RANBP2: variants seen among roughly 807,000 people sequenced by gnomAD.
RANBP2 encodes the protein RAN binding protein 2.
A neutral mutation model predicts 303.6 loss-of-function variants in RANBP2; 57 were observed. The observed-to-expected ratio is 0.19, with a 90% confidence interval of 0.15 to 0.23. The LOEUF (loss-of-function observed/expected upper bound fraction) is 0.23, where lower values mean the gene tolerates loss of function less well. Among genes scored for constraint, RANBP2 ranks in the 10% least tolerant of loss-of-function variants. RANBP2 has a pLI of 1.00. For synonymous variants in RANBP2, 1,167 were observed against 1,301.5 expected, an observed-to-expected ratio of 0.90 and a Z score of 2.23; for missense variants, 3,138 against 3,780.8, an observed-to-expected ratio of 0.83 and a Z score of 4.46.
chr2:108,819,409 C>G, the RANBP2 span, among the ~76,000 whole-genome samples: 8 of 152,204 alleles, frequency 5.3e-5, no homozygotes, highest in Admixed American at 5.2e-4. Flanking sequence ...CAGGACTGGT[C>G]TGCATCTCAC....
chr2:109,516,829 A>C, the RANBP2 span, among the ~76,000 whole-genome samples: 1 of 152,252 alleles, frequency 6.6e-6, no homozygotes, highest in Non-Finnish European at 1.5e-5. Flanking sequence ...CTGATAGATC[A>C]GTTACTTTCC....
the RANBP2 span, among the ~76,000 whole-genome samples, chr2:109,254,534 T>C: frequency 6.6e-6 from 1 of 152,308 alleles, no homozygotes; most frequent in East Asian, 1.9e-4. Flanking sequence ...TGTACCTGGG[T>C]CTGGCAATAC....
the RANBP2 span, among the ~76,000 whole-genome samples, chr2:109,229,305 C>A: frequency 6.6e-6 from 1 of 152,214 alleles, no homozygotes; most frequent in African/African-American, 2.4e-5. Context: ...CACCCCACTT[C>A]CTCTGTTGTT....
the RANBP2 span, among the ~76,000 whole-genome samples, chr2:109,355,839 G>C: frequency 6.6e-6 from 1 of 152,188 alleles, no homozygotes; most frequent in Non-Finnish European, 1.5e-5. Flanking sequence ...ATACTAATGA[G>C]TCTGTGAAGC....
chr2:109,575,205 G>T, the RANBP2 span, among the ~76,000 whole-genome samples: 1 of 152,108 alleles, frequency 6.6e-6, no homozygotes, highest in South Asian at 2.1e-4. Context: ...TCCCACACTT[G>T]CCAGACTGCT....
Position 108,735,587 on chromosome 2 carries a change from T to C in RANBP2, c.461T>C (p.Ile154Thr). The change falls in exon 5 of 29, where the codon ATT becomes ACT. Residue 154 changes from isoleucine to threonine, a missense_variant. Ile to Thr is a moderately conservative substitution (Grantham distance 89). Transcript: ENST00000283195. Reference sequence around the variant, plus strand: ...GGATGGAATAAACTTTTTGACTTGATTCAGTCAGAACTTTATGTAAGACCT... The same window carrying C: ...GGATGGAATAAACTTTTTGACTTGACTCAGTCAGAACTTTATGTAAGACCT... ...EDGWNKLFDL[I>T]QSELYVRPDD... 6.3e-7 allele frequency: 1 copy of C among 1,597,606 alleles called. No homozygotes were observed. The highest frequency in any genetic ancestry group is 8.5e-7 in the Non-Finnish European group (1 of 1,179,790).
Position 108,736,212 on chromosome 2 carries a change from A to T in RANBP2, c.745A>T (p.Thr249Ser). ...TAATCTTATGCTTCTTACGCTTTCC[A>T]CTAGAGATGTGCAGGAAAGTAGAGA... ...YANLMLLTLS[T>S]RDVQESRELL... The change falls in exon 6 of 29, where the codon ACT becomes TCT. Residue 249 changes from threonine (T) to serine (S), a missense_variant. Thr to Ser is a moderately conservative substitution (Grantham distance 58, BLOSUM62 1). Around this residue, in one of 20 missense-constraint regions of RANBP2, gnomAD observed 306 missense variants for 381.9 expected, o/e 0.80. Coordinates refer to ENST00000283195, the MANE Select transcript of RANBP2 (RefSeq NM_006267.5). The T allele has an allele frequency of 6.2e-7, 1 of 1,611,958 alleles. No individual in the cohort carries two copies. The highest frequency in any genetic ancestry group is 8.5e-7 in the Non-Finnish European group (1 of 1,179,836).
At chr2:109,227,417 A>T in the RANBP2 span, among the ~76,000 whole-genome samples, 1,895 of 152,270 alleles carry the variant, frequency 0.012, 40 homozygotes, top group African/African-American at 0.043. Flanking sequence ...CTTCTTACTA[A>T]GCCACAAGTT....
the RANBP2 span, among the ~76,000 whole-genome samples, chr2:109,169,394 A>T: frequency 1.3e-5 from 2 of 152,104 alleles, no homozygotes; most frequent in African/African-American, 4.8e-5. Flanking sequence ...GATGGTGATG[A>T]TGTGGCTGAT....
the RANBP2 span, among the ~76,000 whole-genome samples, chr2:109,526,346 C>T: frequency 3.9e-5 from 6 of 152,106 alleles, no homozygotes; most frequent in African/African-American, 1.4e-4. Context: ...CTCATTCTGT[C>T]GCCCAAGCTG....
At chr2:109,330,509 C>T in the RANBP2 span, among the ~76,000 whole-genome samples, 2 of 152,134 alleles carry the variant, frequency 1.3e-5, no homozygotes, top group Admixed American at 6.5e-5. Context: ...CAGGGGGTGT[C>T]CCCCCTTGTA....
the RANBP2 span, among the ~76,000 whole-genome samples, chr2:108,822,268 ATATT>A: frequency 1.3e-5 from 2 of 152,206 alleles, no homozygotes; most frequent in Non-Finnish European, 2.9e-5. Context: ...TAAATGAGAA[ATATT>A]TATGCCCTGA....
chr2:108,795,131 T>C, the RANBP2 span, among the ~76,000 whole-genome samples: 1 of 151,444 alleles, frequency 6.6e-6, no homozygotes, highest in Non-Finnish European at 1.5e-5. Context: ...GCCTTTCGGG[T>C]TTTTTGTTTC....
the RANBP2 span, among the ~76,000 whole-genome samples, chr2:109,141,312 T>C: frequency 1.3e-3 from 198 of 152,324 alleles, no homozygotes; most frequent in African/African-American, 4.6e-3. Flanking sequence ...CAGTTGCCAC[T>C]GGCTGGCTTT....
the RANBP2 span, among the ~76,000 whole-genome samples, chr2:109,632,599 G>T: frequency 2.6e-5 from 4 of 152,180 alleles, no homozygotes; most frequent in Non-Finnish European, 5.9e-5. Flanking sequence ...GGATCACAAG[G>T]TCAGAAGCTC....
the RANBP2 span, among the ~76,000 whole-genome samples, chr2:109,196,303 A>C: frequency 6.6e-6 from 1 of 152,116 alleles, no homozygotes; most frequent in Admixed American, 6.5e-5. Context: ...GCAGCCCTGG[A>C]TTGGTGTAGC....
the RANBP2 span, among the ~76,000 whole-genome samples, chr2:109,569,047 G>A: frequency 6.6e-6 from 1 of 152,154 alleles, no homozygotes; most frequent in African/African-American, 2.4e-5. Flanking sequence ...TGGTTCTTAA[G>A]TTTTTTAGTT....
chr2:109,378,909 A>G, the RANBP2 span, among the ~76,000 whole-genome samples: 1 of 152,004 alleles, frequency 6.6e-6, no homozygotes, highest in Non-Finnish European at 1.5e-5. Context: ...TCAGCTGAAG[A>G]CTCCAGGGGA....
the RANBP2 span, among the ~76,000 whole-genome samples, chr2:109,192,564 G>A: frequency 1.3e-5 from 2 of 151,668 alleles, no homozygotes; most frequent in South Asian, 2.1e-4. Context: ...TGGTCCTCAT[G>A]TGGAATTTCT....
Sources: allele counts gnomAD v4.1 joint callset (sites outside exome capture counted in the v4.1 genomes callset), GRCh38; gene constraint gnomAD v4.1.1; regional missense constraint gnomAD v4.1.1; transcripts MANE v1.5; gene names NCBI Gene and HGNC (gene_info 2026-07-23, HGNC 2026-07-21).